The following MRRF variants were observed in gnomAD, a reference collection of about 807,000 sequenced individuals.
MRRF encodes mitochondrial ribosome recycling factor, also known as ribosome-recycling factor, mitochondrial.
A neutral mutation model predicts 25.1 loss-of-function variants in MRRF; 18 were observed. That is an observed-to-expected ratio of 0.72 (90% CI 0.50 to 1.06). The LOEUF is 1.06. Among genes scored for constraint, MRRF ranks in the 50% least tolerant of loss-of-function variants. The pLI is 0.00. For synonymous variants in MRRF, 113 were observed against 112.1 expected (o/e 1.01, Z -0.05); for missense variants, 323 against 319.3 (o/e 1.01, Z -0.09).
intron 5 of MRRF, among the ~76,000 whole-genome samples, chr9:122,299,967 T>A (rs1382232139): frequency 6.6e-6 from 1 of 152,074 alleles, no homozygotes; most frequent in Non-Finnish European, 1.5e-5. Flanking sequence ...GAGAAGCAGA[T>A]GCCAGGATGG....
intron 5 of MRRF, among the ~76,000 whole-genome samples, chr9:122,301,849 T>G (rs1184601804): frequency 6.6e-6 from 1 of 151,882 alleles, no homozygotes; most frequent in Non-Finnish European, 1.5e-5. Context: ...TCCTCCTGCC[T>G]CAGCCTCCTG....
intron 4 of MRRF, among the ~76,000 whole-genome samples, chr9:122,288,113 T>C (rs907652136): frequency 1.3e-5 from 2 of 152,206 alleles, no homozygotes; most frequent in Admixed American, 6.5e-5. Flanking sequence ...TTAACATGTG[T>C]CCTGCTTGAT....
Position 122,298,205 on chromosome 9 carries a change from G to A in MRRF, c.551+6365G>A, listed in dbSNP as rs577110238. On this transcript the variant is annotated intron_variant, in intron 5 of 6. Transcript: ENST00000344641. Reference sequence around the variant, plus strand: ...GTTTTTGTTTTGTGTTTGCTTCTTCGTTTTTGTAGCAAAGGACAGCAATTG... The same window carrying A: ...GTTTTTGTTTTGTGTTTGCTTCTTCATTTTTGTAGCAAAGGACAGCAATTG... 2.2e-4 allele frequency among the ~76,000 whole-genome samples: 34 copies of A among 152,168 alleles called. 1 individual carries two copies. The South Asian group carries it at 6.4e-3, about 29-fold the overall frequency.
intron 4 of MRRF, among the ~76,000 whole-genome samples, chr9:122,287,982 CA>C (rs1833516015): frequency 2.0e-5 from 3 of 152,200 alleles, no homozygotes; most frequent in Admixed American, 2.0e-4. Context: ...TTCTGTTTCA[CA>C]TACAGTTGGC....
At chr9:122,291,966 A>G in intron 5 of MRRF, 126 bp downstream of exon 5, 1 of 765,484 alleles carries the variant, frequency 1.3e-6, no homozygotes, top group South Asian at 1.4e-5. Flanking sequence ...CACCCTGGCA[A>G]ACATCTTTTG....
chr9:122,292,523 C>A (rs1297724372), intron 5 of MRRF, among the ~76,000 whole-genome samples: 1 of 151,874 alleles, frequency 6.6e-6, no homozygotes, highest in African/African-American at 2.4e-5. Context: ...AAATATAAGA[C>A]CTTGACCTTT....
At position 122,322,724 on chromosome 9, in the gene MRRF, A is replaced by G; in HGVS notation, c.*107A>G. On this transcript the variant is annotated 3_prime_UTR_variant, in exon 7 of 7. Coordinates refer to ENST00000344641, the MANE Select transcript of MRRF (RefSeq NM_138777.5). ...CCCATCTACACAGAAGACTGTCACC[A>G]TGCTGACAGAAGCCTGTCCTTGTAA... 1 of 975,086 alleles carries G rather than the reference A, an allele frequency of 1.0e-6. No homozygotes were observed. The highest frequency in any genetic ancestry group is 1.6e-6 in the Non-Finnish European group (1 of 618,092). The allele number at this position is 975,086 out of a possible 1,614,324, so 60.4% of individuals were successfully genotyped here.
chr9:122,317,488 G>T (rs1406213503), intron 6 of MRRF, among the ~76,000 whole-genome samples: 1 of 151,956 alleles, frequency 6.6e-6, no homozygotes, highest in African/African-American at 2.4e-5. Context: ...GTAGAAAACT[G>T]GAAACTGTCT....
At chr9:122,267,763 A>G (rs975840465) in intron 1 of MRRF, among the ~76,000 whole-genome samples, 8 of 152,240 alleles carry the variant, frequency 5.3e-5, no homozygotes, top group Non-Finnish European at 4.4e-5. Context: ...ATGAGGCTGA[A>G]ATGAGTTCAT....
intron 2 of MRRF, among the ~76,000 whole-genome samples, chr9:122,275,357 G>C (rs113833047): frequency 1.3e-5 from 2 of 152,178 alleles, no homozygotes; most frequent in African/African-American, 4.8e-5. Flanking sequence ...ATGTGGTTAG[G>C]CATGGTGGCT....
chr9:122,311,846 G>C (rs1588078835), intron 5 of MRRF, among the ~76,000 whole-genome samples: 1 of 152,136 alleles, frequency 6.6e-6, no homozygotes, highest in African/African-American at 2.4e-5. Flanking sequence ...TAGTATTTCA[G>C]CAGGATTAAG....
At chr9:122,295,272 A>G (rs1834016351) in intron 5 of MRRF, among the ~76,000 whole-genome samples, 1 of 152,174 alleles carries the variant, frequency 6.6e-6, no homozygotes, top group Admixed American at 6.5e-5. Context: ...CACAAATAGG[A>G]GCATCATTCC....
At chr9:122,320,455 G>A (rs781333664) in intron 6 of MRRF, among the ~76,000 whole-genome samples, 58 of 152,104 alleles carry the variant, frequency 3.8e-4, no homozygotes, top group Non-Finnish European at 5.3e-4. Flanking sequence ...TCCAGAGGAG[G>A]CTTTTAGCCA....
chr9:122,282,841 T>C (rs1833161165), intron 3 of MRRF, among the ~76,000 whole-genome samples: 2 of 152,300 alleles, frequency 1.3e-5, no homozygotes, highest in Admixed American at 1.3e-4. Context: ...TGCCACTGTA[T>C]CTGACTGTTA....
chr9:122,310,580 C>G (rs184451904), intron 5 of MRRF, among the ~76,000 whole-genome samples: 2 of 152,350 alleles, frequency 1.3e-5, no homozygotes, highest in Admixed American at 1.3e-4. Context: ...GCAGTAGATA[C>G]TAGCAACAGT....
intron 5 of MRRF, among the ~76,000 whole-genome samples, chr9:122,292,802 C>T (rs930134867): frequency 6.6e-6 from 1 of 152,150 alleles, no homozygotes; most frequent in Non-Finnish European, 1.5e-5. Flanking sequence ...CAGGAGGCAC[C>T]TGCAGCAGTC....
At chr9:122,309,775 T>C (rs1344070661) in intron 5 of MRRF, among the ~76,000 whole-genome samples, 1 of 152,220 alleles carries the variant, frequency 6.6e-6, no homozygotes, top group East Asian at 1.9e-4. Context: ...TAGTAAGTAG[T>C]TGTTGAATGA....
At chr9:122,286,099 C>T in intron 4 of MRRF, 13 of 1,269,750 alleles carry the variant, frequency 1.0e-5, no homozygotes, top group Non-Finnish European at 1.3e-5. Context: ...CTACCACCAA[C>T]TGGCTGTTTG....
At chr9:122,319,045 G>C (rs1484990207) in intron 6 of MRRF, among the ~76,000 whole-genome samples, 1 of 152,160 alleles carries the variant, frequency 6.6e-6, no homozygotes, top group Admixed American at 6.5e-5. Flanking sequence ...GACTAGGCCA[G>C]GTGCTGTGGG....
Sources: gnomAD v4.1 joint callset for allele counts (sites outside exome capture counted in the v4.1 genomes callset) on GRCh38, gnomAD v4.1.1 for gene constraint, MANE v1.5 for transcripts, NCBI Gene and HGNC (gene_info 2026-07-23, HGNC 2026-07-21) for gene names.